The following ADGRE2 variants were observed in gnomAD, a reference collection of about 807,000 sequenced individuals.
ADGRE2 encodes the protein CD97 antigen.
A neutral mutation model predicts 100.8 loss-of-function variants in ADGRE2; 83 were observed. The observed-to-expected ratio is 0.82, with a 90% CI of 0.69 to 0.99. The LOEUF (loss-of-function observed/expected upper bound fraction) is 0.99. ADGRE2 is among the 50% of genes least tolerant of loss of function. The pLI, the probability that ADGRE2 is intolerant of heterozygous loss-of-function variation, is 0.00. For missense variants in ADGRE2, 814 were observed against 1,035.7 expected (o/e 0.79, Z 2.94); for synonymous variants, 355 against 413.0 (o/e 0.86, Z 1.70).
chr19:14,755,153 G>A lies in ADGRE2; in HGVS notation c.1417-26C>T, dbSNP rs1382440029. The A allele has an allele frequency of 2.5e-6, 4 of 1,606,272 alleles. No individual in the cohort carries two copies. In the South Asian group the frequency reaches 4.4e-5, roughly 18 times the overall value. On this transcript the variant is annotated intron_variant, in intron 13 of 20. Transcript: ENST00000315576. ...CTGCAGGAACAGAACACAGGTGTGG[G>A]CTGGGCATGGTGGCTCACGCCTGTA... is the stretch of plus-strand genomic sequence containing the variant.
chr19:14,756,125 A>T, intron 12 of ADGRE2, 113 bp downstream of exon 12: 1 of 889,672 alleles, frequency 1.1e-6, no homozygotes, highest in Admixed American at 2.0e-5. Context: ...TTACAGCCCC[A>T]CTCCAAACAT....
intron 16 of ADGRE2, 66 bp downstream of exon 16, chr19:14,751,370 A>T (rs1298225278): frequency 1.6e-6 from 2 of 1,227,192 alleles, no homozygotes; most frequent in African/African-American, 1.5e-5. Context: ...TAAAAATGCT[A>T]TCTAGGTTCT....
chr19:14,730,736 G>GATGCA (rs1360658267), downstream of ADGRE2, among the ~76,000 whole-genome samples: 1 of 151,728 alleles, frequency 6.6e-6, no homozygotes, highest in Non-Finnish European at 1.5e-5. Context: ...TGATGCTGAG[G>GATGCA]TTTGGGGTAC....
In ADGRE2 at chr19:14,774,184, G is replaced by A. The variant is rs912119876; in HGVS notation, c.82+72C>T. ...CCTCTCTTTCCCTGGGCTGAAGGGG[G>A]CTGGGCGGGGGTCCAGGACCCTCCC... On this transcript the variant is annotated intron_variant, in intron 3 of 20. Transcript: ENST00000315576. 176 of 1,515,266 alleles carry A rather than the reference G, an allele frequency of 1.2e-4. 2 individuals carry two copies. The highest frequency in any genetic ancestry group is 2.4e-4 in the Middle Eastern group (1 of 4,210). 93.9% of individuals were successfully genotyped at this position (1,515,266 alleles called of 1,614,324 possible). A position where few individuals can be genotyped will look rare whatever the true frequency, so the allele number is the denominator to read the frequency against.
intron 20 of ADGRE2, chr19:14,742,180 G>T (rs764894437): frequency 2.5e-6 from 1 of 397,904 alleles, no homozygotes; most frequent in Non-Finnish European, 4.4e-6. Context: ...GGCATCACCC[G>T]CTGATTCCCA....
intron 14 of ADGRE2, among the ~76,000 whole-genome samples, chr19:14,752,782 AT>A (rs5827257): frequency 1.9e-4 from 28 of 149,924 alleles, no homozygotes; most frequent in Admixed American, 1.3e-3. Flanking sequence ...TGCCCTGCTA[AT>A]TTTTTTTTTT....
chr19:14,751,729 CT>C (rs2043292206), intron 15 of ADGRE2, 58 bp from the exon 16 acceptor site: 1 of 1,264,892 alleles, frequency 7.9e-7, no homozygotes, highest in Non-Finnish European at 1.1e-6. Flanking sequence ...TGGCCCATGG[CT>C]TCTCCTGTAC....
chr19:14,731,231 C>A (rs752432012), downstream of ADGRE2: 3 of 1,518,890 alleles, frequency 2.0e-6, no homozygotes, highest in African/African-American at 4.1e-5. Context: ...ATGTTCAGAT[C>A]GCTAGAATCC....
At chr19:14,753,065 C>T (rs1327898317) in intron 14 of ADGRE2, among the ~76,000 whole-genome samples, 3 of 138,680 alleles carry the variant, frequency 2.2e-5, no homozygotes, top group East Asian at 2.1e-4. Context: ...CCACCACACC[C>T]GTCCTAATTT....
chr19:14,739,116 T>C (rs1334466104), intron 20 of ADGRE2, among the ~76,000 whole-genome samples: 1 of 151,958 alleles, frequency 6.6e-6, no homozygotes, highest in Non-Finnish European at 1.5e-5. Context: ...ATTACAAGCA[T>C]CCACCACCAT....
At chr19:14,725,600 C>G in the ADGRE2 span, among the ~76,000 whole-genome samples, 1 of 152,130 alleles carries the variant, frequency 6.6e-6, no homozygotes, top group Non-Finnish European at 1.5e-5. Context: ...GTTAAACATT[C>G]TCATTTCAAA....
chr19:14,764,648 C>T (rs1185167817), intron 10 of ADGRE2, 38 bp from the exon 11 acceptor site: 19 of 1,574,916 alleles, frequency 1.2e-5, no homozygotes, highest in Non-Finnish European at 1.6e-5. Context: ...GAGCCATGGG[C>T]CAGAGGGCCC....
chr19:14,776,015 C>T lies in ADGRE2; in HGVS notation c.31+711G>A, dbSNP rs79493140. Reference sequence around the variant, plus strand: ...CCCAGTGGTGATATTTCACCCCGGGCGCCCCTCCCACAGGAAAACGCTGTG... The same window carrying T: ...CCCAGTGGTGATATTTCACCCCGGGTGCCCCTCCCACAGGAAAACGCTGTG... On this transcript the variant is annotated intron_variant, in intron 2 of 20. Coordinates refer to ENST00000315576, the MANE Select transcript of ADGRE2 (RefSeq NM_013447.4). Among the ~76,000 whole-genome samples, 117 of 152,212 alleles carry T rather than the reference C, an allele frequency of 7.7e-4. 3 individuals carry two copies. The East Asian group carries it at 0.022, about 28-fold the overall frequency.
chr19:14,738,019 G>A (rs761183799), intron 20 of ADGRE2, among the ~76,000 whole-genome samples: 4 of 151,136 alleles, frequency 2.6e-5, no homozygotes, highest in Non-Finnish European at 4.4e-5. Context: ...GGTGATTATA[G>A]TTAACATTAA....
At chr19:14,736,854 TATATAG>T (rs2042768320) in intron 20 of ADGRE2, among the ~76,000 whole-genome samples, 1 of 145,496 alleles carries the variant, frequency 6.9e-6, no homozygotes, top group Admixed American at 6.9e-5. Flanking sequence ...TATTTAGAAA[TATATAG>T]ATATTTAATA....
At chr19:14,748,920 T>G (rs1034181791) in intron 16 of ADGRE2, among the ~76,000 whole-genome samples, 1 of 152,008 alleles carries the variant, frequency 6.6e-6, no homozygotes, top group Non-Finnish European at 1.5e-5. Context: ...TGCAACATAT[T>G]AAAAGGATTA....
chr19:14,743,672 T>C lies in ADGRE2; in HGVS notation c.2296A>G (p.Ile766Val). ...ATGAAGACACCCTGCAGGCTGTTGATGATGGTGAAGAGGTAGGCCATGACC... is the reference window on the plus strand; with the variant it reads ...ATGAAGACACCCTGCAGGCTGTTGACGATGGTGAAGAGGTAGGCCATGACC... ...ARVMAYLFTI[I>V]NSLQGVFIFL... Residue 766 changes from isoleucine to valine, a missense_variant, in exon 19 of 21, where the codon ATC (isoleucine) becomes GTC (valine). By Grantham distance (29) the Ile-to-Val change is conservative. Around this residue, in one of 5 missense-constraint regions of ADGRE2, gnomAD observed 569 missense variants for 692.7 expected, o/e 0.82. Coordinates refer to ENST00000315576, the MANE Select transcript of ADGRE2 (RefSeq NM_013447.4). The C allele has an allele frequency of 6.2e-7, 1 of 1,614,078 alleles. No individual in the cohort carries two copies. Among genetic ancestry groups the C allele is most frequent in the Non-Finnish European group, 8.5e-7 (1 of 1,180,012 alleles).
intron 11 of ADGRE2, among the ~76,000 whole-genome samples, chr19:14,763,529 T>G (rs1488254272): frequency 1.3e-5 from 2 of 151,870 alleles, no homozygotes; most frequent in African/African-American, 4.8e-5. Flanking sequence ...CATATTACAA[T>G]GAAAATGCAT....
chr19:14,729,509 C>T (rs753741560), downstream of ADGRE2, among the ~76,000 whole-genome samples: 1 of 152,064 alleles, frequency 6.6e-6, no homozygotes, highest in Non-Finnish European at 1.5e-5. Context: ...CAGGCATGCA[C>T]CACCATGCCT....
Sources: gnomAD v4.1 joint callset for allele counts (sites outside exome capture counted in the v4.1 genomes callset) on GRCh38, gnomAD v4.1.1 for gene constraint, gnomAD v4.1.1 regional missense constraint, MANE v1.5 for transcripts, NCBI Gene and HGNC (gene_info 2026-07-23, HGNC 2026-07-21) for gene names.